Variants in RUNX1T1 observed in about 807,000 individuals in gnomAD.
RUNX1T1 encodes the protein protein CBFA2T1.
RUNX1T1 carries 4 observed loss-of-function variants against 62.8 expected under a neutral mutation model. The ratio of observed to expected loss-of-function variants is 0.06; its 90% CI spans 0.03 to 0.15. RUNX1T1 has a LOEUF of 0.15. RUNX1T1 is among the 10% of genes least tolerant of loss of function. RUNX1T1 has a pLI of 1.00. For missense variants in RUNX1T1, 508 were observed against 754.3 expected (o/e 0.67, Z 3.82); for synonymous variants, 291 against 286.0 (o/e 1.02, Z -0.18).
At chr8:91,968,901 T>C (rs1812199897) in intron 10 of RUNX1T1, among the ~76,000 whole-genome samples, 1 of 152,046 alleles carries the variant, frequency 6.6e-6, no homozygotes, top group Non-Finnish European at 1.5e-5. Context: ...CTTTTACAGG[T>C]TCAGTGGTTT....
intron 1 of RUNX1T1, among the ~76,000 whole-genome samples, chr8:92,053,483 A>C (rs1830541567): frequency 6.6e-6 from 1 of 152,156 alleles, no homozygotes; most frequent in Non-Finnish European, 1.5e-5. Context: ...TTCTAATTTT[A>C]GTAATTATGC....
At chr8:92,044,185 A>G (rs1055405199) in intron 1 of RUNX1T1, among the ~76,000 whole-genome samples, 3 of 152,148 alleles carry the variant, frequency 2.0e-5, no homozygotes. Context: ...AAAATCCTTG[A>G]TAAGTAGCTA....
At chr8:92,043,079 T>A (rs1309608750) in intron 1 of RUNX1T1, among the ~76,000 whole-genome samples, 1 of 152,224 alleles carries the variant, frequency 6.6e-6, no homozygotes, top group African/African-American at 2.4e-5. Context: ...AAGGCATATG[T>A]CTTATTGGTT....
At chr8:92,034,147 G>C (rs193202100) in intron 1 of RUNX1T1, among the ~76,000 whole-genome samples, 18 of 152,156 alleles carry the variant, frequency 1.2e-4, no homozygotes, top group Admixed American at 2.0e-4. Context: ...AGTAGAAAAA[G>C]TGCCTTATTC....
At chr8:91,970,495 A>G (rs1185949573) in intron 10 of RUNX1T1, among the ~76,000 whole-genome samples, 163 bp downstream of exon 11, 1 of 152,224 alleles carries the variant, frequency 6.6e-6, no homozygotes, top group East Asian at 1.9e-4. Context: ...AAAAAGACAA[A>G]TGTGATCAGC....
intron 9 of RUNX1T1, among the ~76,000 whole-genome samples, chr8:91,974,151 A>G (rs937885343): frequency 1.2e-4 from 18 of 152,080 alleles, no homozygotes; most frequent in Non-Finnish European, 7.4e-5. Context: ...GTAAAGAAAA[A>G]TAATAGTGGA....
At chr8:92,059,568 T>C (rs1831576600) in intron 1 of RUNX1T1, among the ~76,000 whole-genome samples, 7 of 152,198 alleles carry the variant, frequency 4.6e-5, no homozygotes, top group Admixed American at 3.9e-4. Flanking sequence ...GCTAATAATA[T>C]ATAGCTCTAC....
rs56965560 is a variant in RUNX1T1, at chr8:91,978,244, A to G, written c.1199-2271T>C. ...CACCCAGTGAAGCTAGCTATTGACC[A>G]TGGAACACTGGGTATGTTAGTTTGT... On this transcript the variant is annotated intron_variant, in intron 8 of 10. Coordinates refer to ENST00000396218, the Ensembl canonical transcript of RUNX1T1. 9.8e-3 allele frequency among the ~76,000 whole-genome samples: 1,494 copies of G among 152,320 alleles called. 19 individuals carry two copies. Among genetic ancestry groups the G allele is most frequent in the African/African-American group, 0.034 (1,423 of 41,570 alleles).
chr8:92,028,085 G>GGGGGGGAAGGAA (rs1825570901), intron 1 of RUNX1T1, among the ~76,000 whole-genome samples: 1 of 94,890 alleles, frequency 1.1e-5, no homozygotes, highest in East Asian at 3.9e-4. Context: ...ATGGGGGGGG[G>GGGGGGGAAGGAA]GGTGGGAAGG....
intron 6 of RUNX1T1, among the ~76,000 whole-genome samples, chr8:91,988,560 G>C (rs974624660): frequency 6.6e-6 from 1 of 152,098 alleles, no homozygotes; most frequent in Admixed American, 6.5e-5. Flanking sequence ...AAAACAACCA[G>C]AAAGTGATAA....
intron 10 of RUNX1T1, among the ~76,000 whole-genome samples, chr8:91,967,256 C>T (rs1365349152): frequency 6.6e-6 from 1 of 152,160 alleles, no homozygotes; most frequent in Non-Finnish European, 1.5e-5. Flanking sequence ...GATAACTTGG[C>T]TGACTGTGGG....
chr8:92,095,472 TGTGA>T, intron 1 of RUNX1T1: 9 of 1,531,616 alleles, frequency 5.9e-6, no homozygotes, highest in African/African-American at 2.7e-5. Flanking sequence ...GCACATTGTG[TGTGA>T]GTGAGTGTGT....
rs759634592 is a variant in RUNX1T1 at position 91,986,222 on chromosome 8, C to T, written c.1100G>A (p.Arg367Gln). Reference sequence around the variant, plus strand: ...TAAGTCCTCGGCGTCACTGTACCGCCGGATCCAGTAATTCAATTCTTCCCG... The same window carrying T: ...TAAGTCCTCGGCGTCACTGTACCGCTGGATCCAGTAATTCAATTCTTCCCG... Residue 367 changes from arginine (R) to glutamine (Q), a missense_variant, in exon 8 of 11, where the codon CGG (arginine) becomes CAG (glutamine). Coordinates refer to ENST00000396218, the Ensembl canonical transcript of RUNX1T1. 7.4e-6 allele frequency: 12 copies of T among 1,613,834 alleles called. No homozygotes were observed. Among genetic ancestry groups the T allele is most frequent in the East Asian group, 6.7e-5 (3 of 44,870 alleles).
chr8:91,970,147 C>T (rs938385157), intron 10 of RUNX1T1, among the ~76,000 whole-genome samples: 1 of 151,952 alleles, frequency 6.6e-6, no homozygotes, highest in African/African-American at 2.4e-5. Flanking sequence ...TGGGTTACCA[C>T]AAATAATGTG....
intron 1 of RUNX1T1, among the ~76,000 whole-genome samples, chr8:92,033,926 A>G (rs1000567171): frequency 6.6e-6 from 1 of 151,890 alleles, no homozygotes; most frequent in Non-Finnish European, 1.5e-5. Context: ...CTGAGACTGC[A>G]CCACCGCACT....
chr8:92,003,082 T>G (rs1372445509), intron 5 of RUNX1T1, among the ~76,000 whole-genome samples: 3 of 152,128 alleles, frequency 2.0e-5, no homozygotes, highest in African/African-American at 7.2e-5. Context: ...TAAAGAATGT[T>G]CCATCCAAAG....
chr8:91,990,119 T>C (rs1000949798), intron 6 of RUNX1T1, among the ~76,000 whole-genome samples: 3 of 152,158 alleles, frequency 2.0e-5, no homozygotes, highest in Non-Finnish European at 2.9e-5. Flanking sequence ...GCTAGCAATG[T>C]AGTTGGAAAT....
intron 1 of RUNX1T1, among the ~76,000 whole-genome samples, chr8:92,080,870 A>T (rs1310811360): frequency 2.6e-5 from 4 of 152,262 alleles, no homozygotes; most frequent in Admixed American, 6.5e-5. Context: ...TTAAGTAACA[A>T]ATTAATCAGA....
chr8:92,044,610 T>A (rs2130221030), intron 1 of RUNX1T1, among the ~76,000 whole-genome samples: 1 of 152,356 alleles, frequency 6.6e-6, no homozygotes, highest in South Asian at 2.1e-4. Flanking sequence ...TGCAGAAGCA[T>A]GGATAAACCT....
Sources: gnomAD v4.1 joint callset for allele counts (sites outside exome capture counted in the v4.1 genomes callset) on GRCh38, gnomAD v4.1.1 for gene constraint, MANE v1.5 for transcripts, NCBI Gene and HGNC (gene_info 2026-07-23, HGNC 2026-07-21) for gene names.